The following NPAS3 variants were observed in gnomAD, a reference collection of about 807,000 sequenced individuals.
The protein encoded by NPAS3 is neuronal PAS domain protein 3.
NPAS3 carries 14 observed loss-of-function variants against 73.1 expected under a neutral mutation model. That is an observed-to-expected ratio of 0.19 (90% CI 0.13 to 0.30). The LOEUF is 0.30. Ranked by LOEUF, NPAS3 falls within the 10% of genes least tolerant of loss-of-function variation. NPAS3 has a pLI of 1.00. For synonymous variants in NPAS3, 620 were observed against 541.5 expected (o/e 1.14, Z -2.01); for missense variants, 1,096 against 1,250.0 (o/e 0.88, Z 1.86).
intron 4 of NPAS3, among the ~76,000 whole-genome samples, chr14:33,376,325 A>G (rs991101241): frequency 2.0e-5 from 3 of 152,192 alleles, no homozygotes; most frequent in African/African-American, 7.2e-5. Flanking sequence ...GCTTTAACTC[A>G]TTATATATAA....
intron 2 of NPAS3, among the ~76,000 whole-genome samples, chr14:33,163,623 G>GTTTTTTTTTTTTTTTT (rs71448290): frequency 9.0e-6 from 1 of 110,620 alleles, no homozygotes; most frequent in Non-Finnish European, 1.9e-5. Flanking sequence ...GTGTTTTGTT[G>GTTTTTTTTTTTTTTTT]TTTTTTTTTT....
chr14:33,431,511 T>G (rs2139155727), intron 4 of NPAS3, among the ~76,000 whole-genome samples: 1 of 152,350 alleles, frequency 6.6e-6, no homozygotes, highest in East Asian at 1.9e-4. Flanking sequence ...TGTATCCTGA[T>G]TCTAGAGTGT....
chr14:33,194,776 A>AGC (rs1211755231), intron 2 of NPAS3, among the ~76,000 whole-genome samples: 1 of 152,184 alleles, frequency 6.6e-6, no homozygotes, highest in Non-Finnish European at 1.5e-5. Context: ...TGGTCATGCC[A>AGC]CTACTTTGGC....
At chr14:33,087,322 AAC>A (rs1382256113) in intron 2 of NPAS3, among the ~76,000 whole-genome samples, 1 of 149,958 alleles carries the variant, frequency 6.7e-6, no homozygotes, top group East Asian at 1.9e-4. Context: ...CTTCAAGCCT[AAC>A]ACTTGTCAGA....
intron 1 of NPAS3, among the ~76,000 whole-genome samples, chr14:32,941,275 T>C (rs1224607839): frequency 0.025 from 46 of 1,874 alleles, no homozygotes; most frequent in African/African-American, 0.032. Context: ...TCCCCTCCCC[T>C]CCTCCCTCCC....
At chr14:33,612,659 A>G (rs2057787856) in intron 5 of NPAS3, 2 of 360,834 alleles carry the variant, frequency 5.5e-6, no homozygotes, top group Admixed American at 7.2e-5. Flanking sequence ...TATTTTAAAG[A>G]TGTTCTTAAT....
intron 3 of NPAS3, among the ~76,000 whole-genome samples, chr14:33,228,451 G>T (rs1415336537): frequency 6.6e-6 from 1 of 152,072 alleles, no homozygotes; most frequent in Non-Finnish European, 1.5e-5. Context: ...GAAAGGAAAG[G>T]CCAATTTGCT....
At chr14:33,353,886 G>A (rs1032689589) in intron 3 of NPAS3, among the ~76,000 whole-genome samples, 3 of 152,120 alleles carry the variant, frequency 2.0e-5, no homozygotes, top group Non-Finnish European at 2.9e-5. Flanking sequence ...TTCCCTATCC[G>A]ATTCTAGTTC....
chr14:33,279,574 C>T (rs2140053998), intron 3 of NPAS3, among the ~76,000 whole-genome samples: 1 of 152,258 alleles, frequency 6.6e-6, no homozygotes, highest in East Asian at 1.9e-4. Context: ...GTTAGACATG[C>T]AGCATCTTAG....
chr14:33,725,308 C>T (rs1036433761), intron 6 of NPAS3, among the ~76,000 whole-genome samples: 6 of 151,844 alleles, frequency 4.0e-5, no homozygotes, highest in African/African-American at 1.5e-4. Flanking sequence ...ATGGTTATTA[C>T]CACATAGTAA....
At chr14:33,662,856 C>G (rs1396213111) in intron 5 of NPAS3, among the ~76,000 whole-genome samples, 1 of 136,726 alleles carries the variant, frequency 7.3e-6, no homozygotes, top group Non-Finnish European at 1.6e-5. Flanking sequence ...GGGGCTGAGA[C>G]AATGGGGTTT....
chr14:33,319,378 T>C (rs768830576), intron 3 of NPAS3, among the ~76,000 whole-genome samples: 27 of 152,110 alleles, frequency 1.8e-4, no homozygotes, highest in Non-Finnish European at 3.4e-4. Context: ...CAGCCATCCT[T>C]AGACCGCCAG....
chr14:33,167,770 C>A (rs1483767568), intron 2 of NPAS3, among the ~76,000 whole-genome samples: 1 of 152,134 alleles, frequency 6.6e-6, no homozygotes, highest in African/African-American at 2.4e-5. Flanking sequence ...CTAACTGTTA[C>A]ATTGGGAGGA....
chr14:33,506,793 G>C (rs1459563892), intron 4 of NPAS3, among the ~76,000 whole-genome samples: 2 of 151,978 alleles, frequency 1.3e-5, no homozygotes, highest in African/African-American at 4.8e-5. Context: ...TTACTGTGTA[G>C]GAAGACAGTC....
intron 5 of NPAS3, among the ~76,000 whole-genome samples, chr14:33,665,215 T>C (rs2059419398): frequency 6.6e-6 from 1 of 151,908 alleles, no homozygotes; most frequent in South Asian, 2.1e-4. Context: ...AGGGACTGCA[T>C]GTTCTCACTC....
intron 5 of NPAS3, chr14:33,560,448 AT>A (rs2055587410): frequency 8.1e-6 from 3 of 368,194 alleles, no homozygotes; most frequent in Non-Finnish European, 1.5e-5. Context: ...ATCATTATTA[AT>A]TTATCGAGAA....
intron 3 of NPAS3, among the ~76,000 whole-genome samples, chr14:33,355,515 G>T (rs1291122634): frequency 6.6e-6 from 1 of 152,124 alleles, no homozygotes; most frequent in Non-Finnish European, 1.5e-5. Context: ...GGCCAGGATG[G>T]TCTCGACCCC....
At chr14:33,105,432 T>C (rs578207222) in intron 2 of NPAS3, among the ~76,000 whole-genome samples, 3 of 152,294 alleles carry the variant, frequency 2.0e-5, no homozygotes, top group Admixed American at 6.5e-5. Context: ...TCTGCCTTTT[T>C]TTCTGTAAGT....
chr14:33,403,194 A>C (rs545694361), intron 4 of NPAS3, among the ~76,000 whole-genome samples: 1 of 152,252 alleles, frequency 6.6e-6, no homozygotes, highest in South Asian at 2.1e-4. Flanking sequence ...AAAGCCACAA[A>C]GTTTTGAAAT....
Sources: gnomAD v4.1 joint callset for allele counts (sites outside exome capture counted in the v4.1 genomes callset) on GRCh38, gnomAD v4.1.1 for gene constraint, MANE v1.5 for transcripts, NCBI Gene and HGNC (gene_info 2026-07-23, HGNC 2026-07-21) for gene names.